MAP4K4: variants seen among roughly 807,000 people sequenced by gnomAD.
MAP4K4 encodes the protein mitogen-activated protein kinase kinase kinase kinase 4, also known as HPK/GCK-like kinase HGK.
MAP4K4 carries 38 observed loss-of-function variants against 189.6 expected under a neutral mutation model. The ratio of observed to expected loss-of-function variants is 0.20; its 90% CI spans 0.15 to 0.26. MAP4K4 has a LOEUF of 0.26. Among genes scored for constraint, MAP4K4 ranks in the 10% least tolerant of loss-of-function variants. The probability of loss-of-function intolerance (pLI) is 1.00; values close to 1 mark genes in which losing one functional copy is unlikely to be tolerated. For missense variants in MAP4K4, 1,054 were observed against 1,726.9 expected (o/e 0.61, Z 6.91); for synonymous variants, 610 against 624.3 (o/e 0.98, Z 0.34).
At chr2:101,842,303 C>T (rs1189767446) in intron 10 of MAP4K4, among the ~76,000 whole-genome samples, 1 of 152,148 alleles carries the variant, frequency 6.6e-6, no homozygotes, top group South Asian at 2.1e-4. Context: ...GTTCTTTTCT[C>T]ATGTATCAGG....
exon 33 of MAP4K4, chr2:101,893,491 A>G (rs2150380300): frequency 3.0e-6 from 1 of 334,434 alleles, no homozygotes; most frequent in East Asian, 7.7e-5. Context: ...ATCCATGTTT[A>G]GGCTTTTCAT....
At chr2:101,729,101 AGTGTGTGTGTGT>A (rs57635166) in intron 2 of MAP4K4, among the ~76,000 whole-genome samples, 6 of 130,504 alleles carry the variant, frequency 4.6e-5, no homozygotes, top group Non-Finnish European at 6.3e-5. Flanking sequence ...AGAGAGAGAG[AGTGTGTGTGTGT>A]GTGTGTGTGT....
chr2:101,760,530 A>ATGTGTGTGTG (rs34293909), intron 2 of MAP4K4, among the ~76,000 whole-genome samples: 5 of 138,692 alleles, frequency 3.6e-5, no homozygotes, highest in Non-Finnish European at 6.1e-5. Flanking sequence ...ATATGTATAT[A>ATGTGTGTGTG]TGTGTGTGTG....
intron 2 of MAP4K4, among the ~76,000 whole-genome samples, chr2:101,706,607 C>T (rs1250837691): frequency 6.6e-6 from 1 of 152,116 alleles, no homozygotes; most frequent in African/African-American, 2.4e-5. Context: ...AATTTAACAC[C>T]ACACGTCAGA....
rs367812095 is a variant in MAP4K4 at position 101,762,414 on chromosome 2, A to C, written c.124-28306A>C. Among the ~76,000 whole-genome samples, 120 of 152,242 alleles carry C rather than the reference A, an allele frequency of 7.9e-4. 3 individuals carry two copies. In the South Asian group the frequency reaches 0.022, roughly 28 times the overall value. On this transcript the variant is annotated intron_variant, in intron 2 of 32. Coordinates refer to ENST00000324219, the Ensembl canonical transcript of MAP4K4. ...CTGGGCAGTGAAGATTTTTCCTTGC[A>C]GTGACTTGAATTCCTGGGATTTGGA...
chr2:101,736,579 T>C (rs963058412), intron 2 of MAP4K4, among the ~76,000 whole-genome samples: 8 of 152,240 alleles, frequency 5.3e-5, no homozygotes, highest in Middle Eastern at 6.3e-3. Flanking sequence ...CTGATCCTTA[T>C]GTGTTTTGAG....
chr2:101,797,344 C>T (rs751859547), intron 3 of MAP4K4: 1 of 1,290,824 alleles, frequency 7.7e-7, no homozygotes, highest in East Asian at 5.6e-5. Flanking sequence ...CTTTGCATGA[C>T]TCTGGCAGAC....
chr2:101,836,781 C>T (rs1232253655), intron 9 of MAP4K4, among the ~76,000 whole-genome samples: 1 of 152,122 alleles, frequency 6.6e-6, no homozygotes, highest in Non-Finnish European at 1.5e-5. Context: ...TTTTCCTTCT[C>T]CTTGTAACTC....
chr2:101,751,066 G>C (rs1371961280), intron 2 of MAP4K4, among the ~76,000 whole-genome samples: 1 of 152,154 alleles, frequency 6.6e-6, no homozygotes, highest in Non-Finnish European at 1.5e-5. Flanking sequence ...TGTTTCGTTG[G>C]GGGGTGTATG....
rs1478424177 is a variant in MAP4K4, at chr2:101,740,356, T to G, written c.123+41818T>G. ...TTTTAGTAGAGACGGGGTTTCACCG[T>G]TTTTAGCCGGGATGGTCTCGATCTC... On this transcript the variant is annotated intron_variant, in intron 2 of 32. Coordinates refer to ENST00000324219, the Ensembl canonical transcript of MAP4K4. Among the ~76,000 whole-genome samples, 3 of 106,950 alleles carry G rather than the reference T, an allele frequency of 2.8e-5. 1 individual carries two copies. The highest frequency in any genetic ancestry group is 2.2e-4 in the African/African-American group (2 of 8,926). The allele number at this position is 106,950 out of a possible 152,430, so 70.2% of individuals were successfully genotyped here.
chr2:101,698,587 A>G, intron 2 of MAP4K4, 49 bp downstream of exon 2: 1 of 1,561,498 alleles, frequency 6.4e-7, no homozygotes, highest in Non-Finnish European at 8.8e-7. Context: ...GAAACTTCTT[A>G]TTGGGGGACG....
At chr2:101,788,164 G>C (rs903895689) in intron 2 of MAP4K4, among the ~76,000 whole-genome samples, 11 of 150,514 alleles carry the variant, frequency 7.3e-5, no homozygotes, top group African/African-American at 2.7e-4. Flanking sequence ...CCCTTATATT[G>C]GCCATTCCTT....
At chr2:101,894,138 C>A (rs1251986006) in exon 33 of MAP4K4, 5 of 152,724 alleles carry the variant, frequency 3.3e-5, no homozygotes, top group Non-Finnish European at 7.3e-5. Flanking sequence ...GTAGTAACTT[C>A]TCCACAGAAG....
intron 2 of MAP4K4, among the ~76,000 whole-genome samples, chr2:101,770,218 A>G (rs574089901): frequency 6.6e-6 from 1 of 151,556 alleles, no homozygotes; most frequent in South Asian, 2.1e-4. Flanking sequence ...ATTTCAAAAA[A>G]GTTACACTTT....
At chr2:101,836,740 A>G (rs373245426) in intron 9 of MAP4K4, among the ~76,000 whole-genome samples, 11 of 152,228 alleles carry the variant, frequency 7.2e-5, no homozygotes, top group East Asian at 3.8e-4. Flanking sequence ...AGCATATTAA[A>G]CAGAATGGTT....
At chr2:101,763,233 A>C (rs563282897) in intron 2 of MAP4K4, among the ~76,000 whole-genome samples, 1 of 152,250 alleles carries the variant, frequency 6.6e-6, no homozygotes, top group African/African-American at 2.4e-5. Context: ...GAAGTTGTGT[A>C]GCACTTATAC....
intron 2 of MAP4K4, among the ~76,000 whole-genome samples, chr2:101,747,496 A>G (rs1441296919): frequency 6.6e-6 from 1 of 152,190 alleles, no homozygotes; most frequent in Non-Finnish European, 1.5e-5. Context: ...TCTGGTCCCC[A>G]TAGCAGGGGT....
rs1487919205 is a variant in MAP4K4 at position 101,813,882 on chromosome 2, T to G, written c.181-10046T>G. 1.3e-4 allele frequency among the ~76,000 whole-genome samples: 20 copies of G among 152,136 alleles called. 1 individual carries two copies. The highest frequency in any genetic ancestry group is 2.9e-4 in the Non-Finnish European group (20 of 68,028). On this transcript the variant is annotated intron_variant, in intron 3 of 32. Coordinates refer to ENST00000324219, the Ensembl canonical transcript of MAP4K4. Reference sequence around the variant, plus strand: ...CAGATTTCCTCAGATCTTGGTCAAGTGTAGTAGTTTTTCCATTGGGACTTT... The same window carrying G: ...CAGATTTCCTCAGATCTTGGTCAAGGGTAGTAGTTTTTCCATTGGGACTTT...
rs1558914208 is a variant in MAP4K4, at chr2:101,785,711, T to TTTTCCTTTTTTGAGTTGGAGTCTTG, written c.124-5009_124-5008insTTTCCTTTTTTGAGTTGGAGTCTTG. Among the ~76,000 whole-genome samples, 14 of 7,028 alleles carry TTTTCCTTTTTTGAGTTGGAGTCTTG rather than the reference T, an allele frequency of 2.0e-3. No homozygotes were observed. The East Asian group carries it at 0.021, about 10-fold the overall frequency. 4.6% of individuals were successfully genotyped at this position (7,028 alleles called of 152,430 possible). A position where few individuals can be genotyped will look rare whatever the true frequency, so the allele number is the denominator to read the frequency against. Reference sequence around the variant, plus strand: ...CTCTCTCTCTCTCTCTCTCTCTCTCTCTCTCTCTCTCTCTCTCTCTCTCTC... The same window carrying TTTTCCTTTTTTGAGTTGGAGTCTTG: ...CTCTCTCTCTCTCTCTCTCTCTCTCTTTTCCTTTTTTGAGTTGGAGTCTTGCTCTCTCTCTCTCTCTCTCTCTCTC... On this transcript the variant is annotated intron_variant, in intron 2 of 32. Coordinates refer to ENST00000324219, the Ensembl canonical transcript of MAP4K4.
Sources: gnomAD v4.1 joint callset for allele counts (sites outside exome capture counted in the v4.1 genomes callset) on GRCh38, gnomAD v4.1.1 for gene constraint, MANE v1.5 for transcripts, NCBI Gene and HGNC (gene_info 2026-07-23, HGNC 2026-07-21) for gene names.